The following TOX2 variants were observed in gnomAD, a reference collection of about 807,000 sequenced individuals.
TOX2 encodes TOX high mobility group box family member 2.
A neutral mutation model predicts 47.4 loss-of-function variants in TOX2; 15 were observed. The ratio of observed to expected loss-of-function variants is 0.32; its 90% confidence interval spans 0.21 to 0.49. TOX2 has a LOEUF of 0.49. TOX2 is among the 20% of genes least tolerant of loss of function. The pLI is 0.99. For missense variants in TOX2, 622 were observed against 673.1 expected (o/e 0.92, Z 0.84); for synonymous variants, 290 against 296.6 (o/e 0.98, Z 0.23).
rs564271508 is a variant in TOX2, at chr20:44,012,431, C to T, written c.411+5639C>T. Among the ~76,000 whole-genome samples the T allele has an allele frequency of 7.8e-4, 118 of 152,250 alleles. 1 individual carries two copies. Among genetic ancestry groups the T allele is most frequent in the Admixed American group, 1.4e-3 (21 of 15,306 alleles). On this transcript the variant is annotated intron_variant, in intron 3 of 8. Coordinates refer to ENST00000341197, the MANE Select transcript of TOX2 (RefSeq NM_001098797.2). ...GGGCCCAGCCAGAAATGAATTCTGG[C>T]AAAGCTCCCCCGACAGTAGCTATAG...
chr20:43,994,576 A>G (rs1248943869), intron 2 of TOX2, among the ~76,000 whole-genome samples: 1 of 151,934 alleles, frequency 6.6e-6, no homozygotes, highest in African/African-American at 2.4e-5. Context: ...CCCACAAGTT[A>G]TCCCCAGCCT....
intron 3 of TOX2, among the ~76,000 whole-genome samples, chr20:44,020,883 T>G (rs149049228): frequency 6.6e-6 from 1 of 152,136 alleles, no homozygotes; most frequent in East Asian, 1.9e-4. Flanking sequence ...GGTTGCAGAC[T>G]TTTTCCCCCC....
intron 7 of TOX2, 142 bp downstream of exon 7, chr20:44,066,249 C>A (rs951383321): frequency 1.6e-4 from 148 of 933,050 alleles, no homozygotes; most frequent in Non-Finnish European, 2.2e-4. Context: ...TCAGTTACCA[C>A]ATCTAGGAAG....
At chr20:44,020,214 C>T (rs192044883) in intron 3 of TOX2, among the ~76,000 whole-genome samples, 1 of 152,194 alleles carries the variant, frequency 6.6e-6, no homozygotes, top group African/African-American at 2.4e-5. Flanking sequence ...CACGGAGTTG[C>T]TGGCATTTGT....
chr20:44,016,467 T>C (rs2070880435), intron 3 of TOX2, among the ~76,000 whole-genome samples: 1 of 152,078 alleles, frequency 6.6e-6, no homozygotes, highest in Non-Finnish European at 1.5e-5. Flanking sequence ...CTGTGTTCTT[T>C]AGCGCAGGGG....
At chr20:44,043,954 G>A (rs1315902072) in intron 3 of TOX2, among the ~76,000 whole-genome samples, 1 of 152,206 alleles carries the variant, frequency 6.6e-6, no homozygotes, top group Non-Finnish European at 1.5e-5. Flanking sequence ...TATAAATCAT[G>A]CTGCTATAAA....
At chr20:43,945,815 G>A in intron 1 of TOX2, 1 of 1,521,442 alleles carries the variant, frequency 6.6e-7, no homozygotes, top group Non-Finnish European at 9.0e-7. Flanking sequence ...GATGGGGGGT[G>A]GGGGTGCTGG....
At chr20:44,062,331 GAGAA>G (rs1467803852) in intron 5 of TOX2, among the ~76,000 whole-genome samples, 1 of 150,728 alleles carries the variant, frequency 6.6e-6, no homozygotes, top group Admixed American at 6.6e-5. Flanking sequence ...TGACCAAGCT[GAGAA>G]TCACATCAAG....
At chr20:43,951,312 C>A (rs559484773) in intron 1 of TOX2, among the ~76,000 whole-genome samples, 1 of 152,260 alleles carries the variant, frequency 6.6e-6, no homozygotes, top group Non-Finnish European at 1.5e-5. Flanking sequence ...TGGTGGCTCA[C>A]GCTTGTAATC....
chr20:43,965,210 T>C lies in TOX2; in HGVS notation c.100-8157T>C, dbSNP rs150682803. ...TGTCTCCGTGGTGGACATGTGGCTA[T>C]TGGGAGTAAGACTATTGATTGACTG... On this transcript the variant is annotated intron_variant, in intron 1 of 8. Transcript: ENST00000341197. Among the ~76,000 whole-genome samples, 40 of 152,218 alleles carry C rather than the reference T, an allele frequency of 2.6e-4. No individual in the cohort carries two copies. The East Asian group carries it at 6.0e-3, about 23-fold the overall frequency.
At chr20:44,006,130 G>C (rs1240572392) in intron 2 of TOX2, among the ~76,000 whole-genome samples, 2 of 152,182 alleles carry the variant, frequency 1.3e-5, no homozygotes, top group African/African-American at 4.8e-5. Flanking sequence ...CTGGAATCAG[G>C]ATACTTCAGC....
rs551025744 is a variant in TOX2 at position 44,069,326 on chromosome 20, G to A, written c.*640G>A. 35 of 177,486 alleles carry A rather than the reference G, an allele frequency of 2.0e-4. No individual in the cohort carries two copies. Among genetic ancestry groups the A allele is most frequent in the African/African-American group, 7.4e-4 (31 of 42,028 alleles). 11.0% of individuals were successfully genotyped at this position (177,486 alleles called of 1,614,324 possible). A position where few individuals can be genotyped will look rare whatever the true frequency, so the allele number is the denominator to read the frequency against. ...ACAAAAGCGGCTGCCAAACCGTTTC[G>A]TCATCCTCACAGCAAGGACCGGACG... On this transcript the variant is annotated 3_prime_UTR_variant, in exon 9 of 9. Coordinates refer to ENST00000341197, the MANE Select transcript of TOX2 (RefSeq NM_001098797.2).
At chr20:43,951,531 C>G (rs927127294) in intron 1 of TOX2, among the ~76,000 whole-genome samples, 5 of 151,840 alleles carry the variant, frequency 3.3e-5, no homozygotes, top group Admixed American at 2.6e-4. Context: ...GAGCTGAGAT[C>G]GTGCCATTGC....
chr20:44,019,633 T>C (rs2070945624), intron 3 of TOX2, among the ~76,000 whole-genome samples: 1 of 152,126 alleles, frequency 6.6e-6, no homozygotes, highest in Non-Finnish European at 1.5e-5. Context: ...GAACCTGTCA[T>C]AGGGTGTGTG....
intron 1 of TOX2, among the ~76,000 whole-genome samples, chr20:43,944,927 T>C (rs2069445720): frequency 6.6e-6 from 1 of 152,146 alleles, no homozygotes. Flanking sequence ...AAGTCTGCCT[T>C]CTTCATGGAG....
At chr20:44,061,023 AGAGAG>A (rs1438608856) in intron 5 of TOX2, among the ~76,000 whole-genome samples, 2 of 152,244 alleles carry the variant, frequency 1.3e-5, no homozygotes, top group Non-Finnish European at 2.9e-5. Flanking sequence ...CAAGAAAAGA[AGAGAG>A]AAGATCCAAA....
intron 3 of TOX2, among the ~76,000 whole-genome samples, chr20:44,016,095 C>T (rs8122176): frequency 0.012 from 1,767 of 151,948 alleles, 34 homozygotes; most frequent in African/African-American, 0.04. Flanking sequence ...TTTTGAGAAC[C>T]GTTTGCTCTG....
At chr20:43,992,411 A>G (rs2070384894) in intron 2 of TOX2, among the ~76,000 whole-genome samples, 1 of 152,152 alleles carries the variant, frequency 6.6e-6, no homozygotes, top group African/African-American at 2.4e-5. Flanking sequence ...ACATGAGGGC[A>G]GGGCACGTGC....
Position 43,915,556 on chromosome 20 carries a change from C to T in TOX2, c.99+566C>T, listed in dbSNP as rs920660571. On this transcript the variant is annotated intron_variant, in intron 1 of 8. Coordinates refer to ENST00000341197, the MANE Select transcript of TOX2 (RefSeq NM_001098797.2). The surrounding 1 kb of genome is among the most constrained non-coding windows in gnomAD (Gnocchi z 7.1). ...AGGCGCACGCTGTCACACACAGCCACCCCCCTGGACGGTGAGCCTCAGACA... is the reference window on the plus strand; with the variant it reads ...AGGCGCACGCTGTCACACACAGCCATCCCCCTGGACGGTGAGCCTCAGACA... 2.1e-4 allele frequency among the ~76,000 whole-genome samples: 32 copies of T among 152,304 alleles called. No homozygotes were observed. Among genetic ancestry groups the T allele is most frequent in the African/African-American group, 7.7e-4 (32 of 41,568 alleles).
Sources: allele counts gnomAD v4.1 joint callset (sites outside exome capture counted in the v4.1 genomes callset), GRCh38; gene constraint gnomAD v4.1.1; non-coding constraint Gnocchi (gnomAD v3.1); transcripts MANE v1.5; gene names NCBI Gene and HGNC (gene_info 2026-07-23, HGNC 2026-07-21).